PACRG: variants seen among roughly 807,000 people sequenced by gnomAD.
The protein encoded by PACRG is parkin coregulated.
PACRG carries 29 observed loss-of-function variants against 29.7 expected under a neutral mutation model. The observed-to-expected ratio is 0.98, with a 90% confidence interval of 0.73 to 1.33. PACRG has a LOEUF of 1.33. PACRG is among the 40% of genes most tolerant of loss of function. PACRG has a pLI of 0.00. For missense variants in PACRG, 279 were observed against 316.2 expected (o/e 0.88, Z 0.89); for synonymous variants, 116 against 118.7 (o/e 0.98, Z 0.15).
At chr6:163,127,731 G>T (rs770794776) in intron 4 of PACRG, among the ~76,000 whole-genome samples, 4 of 152,092 alleles carry the variant, frequency 2.6e-5, no homozygotes, top group African/African-American at 9.7e-5. Flanking sequence ...ATAGTTTATC[G>T]TAAAGTCTTG....
intron 4 of PACRG, chr6:163,312,780 G>A: frequency 2.3e-6 from 1 of 440,830 alleles, no homozygotes; most frequent in Non-Finnish European, 4.5e-6. Flanking sequence ...TTGAGACAGG[G>A]TCTTACTCTT....
At chr6:162,935,187 A>G (rs976799636) in intron 2 of PACRG, among the ~76,000 whole-genome samples, 1 of 152,044 alleles carries the variant, frequency 6.6e-6, no homozygotes, top group Non-Finnish European at 1.5e-5. Context: ...GGTTGAATCT[A>G]TTTGGGGATT....
At chr6:163,083,806 T>C (rs939040042) in intron 3 of PACRG, among the ~76,000 whole-genome samples, 8 of 152,220 alleles carry the variant, frequency 5.3e-5, no homozygotes, top group Non-Finnish European at 1.0e-4. Context: ...TGCCTTTTGT[T>C]TGGTGTTTCT....
chr6:162,972,266 C>A (rs1212952568), intron 2 of PACRG, among the ~76,000 whole-genome samples: 3 of 152,192 alleles, frequency 2.0e-5, no homozygotes, highest in African/African-American at 7.2e-5. Flanking sequence ...CCTCTGACTC[C>A]TATGGACCAG....
intron 2 of PACRG, among the ~76,000 whole-genome samples, chr6:163,008,128 T>G (rs2128207486): frequency 6.6e-6 from 1 of 152,272 alleles, no homozygotes; most frequent in African/African-American, 2.4e-5. Flanking sequence ...CCCTCAATGT[T>G]ATTTTATCCT....
In PACRG at chr6:162,728,221, A is replaced by G. The variant is rs576647444; in HGVS notation, c.-15A>G. 13 of 1,612,360 alleles carry G rather than the reference A, an allele frequency of 8.1e-6. No individual in the cohort carries two copies. Among genetic ancestry groups the G allele is most frequent in the Middle Eastern group, 3.3e-4 (2 of 6,058 alleles). On this transcript the variant is annotated 5_prime_UTR_variant, in exon 1 of 5. Coordinates refer to ENST00000366888, the MANE Select transcript of PACRG (RefSeq NM_001080379.2). ...TTACTACACTTTTTATGAGAACAAG[A>G]CATTTTCTAGGAAGATGGTGGCAGA...
chr6:162,964,557 A>G (rs1231678511), intron 2 of PACRG, among the ~76,000 whole-genome samples: 1 of 152,196 alleles, frequency 6.6e-6, no homozygotes, highest in Non-Finnish European at 1.5e-5. Context: ...AATGATCAAC[A>G]GATGTTCTGG....
intron 4 of PACRG, among the ~76,000 whole-genome samples, chr6:163,269,967 G>GAAAGAAAAC (rs1554238030): frequency 1.8e-5 from 1 of 56,118 alleles, no homozygotes; most frequent in African/African-American, 7.0e-5. Context: ...AAGAAAGAAA[G>GAAAGAAAAC]AAAGAAAGAA....
intron 2 of PACRG, among the ~76,000 whole-genome samples, chr6:162,935,792 T>A (rs1410943323): frequency 1.3e-5 from 2 of 152,154 alleles, no homozygotes; most frequent in East Asian, 3.9e-4. Flanking sequence ...TCTGAGAAAT[T>A]AGAGATCATT....
At chr6:163,129,992 G>A (rs6900854) in intron 4 of PACRG, among the ~76,000 whole-genome samples, 2 of 152,166 alleles carry the variant, frequency 1.3e-5, no homozygotes, top group Non-Finnish European at 2.9e-5. Flanking sequence ...TCTGGCAAAG[G>A]AAGCCTTCCA....
intron 4 of PACRG, among the ~76,000 whole-genome samples, chr6:163,214,558 A>G (rs1027616778): frequency 1.3e-5 from 2 of 151,850 alleles, no homozygotes; most frequent in Admixed American, 6.6e-5. Flanking sequence ...ATCCATTCAT[A>G]TATATTTAAT....
intron 2 of PACRG, among the ~76,000 whole-genome samples, chr6:162,932,129 A>C (rs1350858641): frequency 6.6e-6 from 1 of 152,082 alleles, no homozygotes; most frequent in African/African-American, 2.4e-5. Context: ...GCATCTAAAA[A>C]AAGTAATGTT....
intron 2 of PACRG, among the ~76,000 whole-genome samples, chr6:162,998,973 T>G (rs558287282): frequency 6.6e-6 from 1 of 152,320 alleles, no homozygotes; most frequent in Middle Eastern, 3.4e-3. Flanking sequence ...CAACTGTACT[T>G]TGTATTCCTT....
chr6:163,061,427 C>G (rs1354156582), intron 2 of PACRG, among the ~76,000 whole-genome samples: 11 of 152,148 alleles, frequency 7.2e-5, no homozygotes, highest in Non-Finnish European at 1.6e-4. Flanking sequence ...CTGCCAAGGT[C>G]TGGACAGGGG....
At chr6:162,993,227 G>A (rs1803629977) in intron 2 of PACRG, among the ~76,000 whole-genome samples, 1 of 151,320 alleles carries the variant, frequency 6.6e-6, no homozygotes, top group African/African-American at 2.4e-5. Context: ...GTTGATTTGG[G>A]GTGGAGAGTT....
At chr6:163,157,249 G>T (rs190782844) in intron 4 of PACRG, among the ~76,000 whole-genome samples, 1 of 152,170 alleles carries the variant, frequency 6.6e-6, no homozygotes, top group South Asian at 2.1e-4. Context: ...CATTTGCTCC[G>T]TAGCAGTGTG....
At chr6:163,098,620 T>A (rs1814813770) in intron 4 of PACRG, among the ~76,000 whole-genome samples, 1 of 152,176 alleles carries the variant, frequency 6.6e-6, no homozygotes, top group South Asian at 2.1e-4. Context: ...AAAGGGGTCC[T>A]GATCCAGATC....
intron 2 of PACRG, among the ~76,000 whole-genome samples, chr6:163,016,951 ATAT>A (rs1254953787): frequency 6.6e-6 from 1 of 152,172 alleles, no homozygotes; most frequent in African/African-American, 2.4e-5. Context: ...AATATATTTC[ATAT>A]TATTTCATGT....
At position 162,855,490 on chromosome 6, in the gene PACRG, T is replaced by A. The variant is rs1441044463; in HGVS notation, c.291+41209T>A. Among the ~76,000 whole-genome samples the A allele has an allele frequency of 5.3e-5, 8 of 152,120 alleles. No individual in the cohort carries two copies. In the South Asian group the frequency reaches 1.7e-3, roughly 31 times the overall value. ...ATTATTATAGCCATCTGTCTTAAACTGTTATTCTAAGAAAAAAAAATGGAG... is the reference window on the plus strand; with the variant it reads ...ATTATTATAGCCATCTGTCTTAAACAGTTATTCTAAGAAAAAAAAATGGAG... On this transcript the variant is annotated intron_variant, in intron 2 of 4. Coordinates refer to ENST00000366888, the MANE Select transcript of PACRG (RefSeq NM_001080379.2).
Sources: allele counts gnomAD v4.1 joint callset (sites outside exome capture counted in the v4.1 genomes callset), GRCh38; gene constraint gnomAD v4.1.1; transcripts MANE v1.5; gene names NCBI Gene and HGNC (gene_info 2026-07-23, HGNC 2026-07-21).